The following NIPBL variants were observed in gnomAD, a reference collection of about 807,000 sequenced individuals.
NIPBL encodes nipped-B-like protein.
A neutral mutation model predicts 321.8 loss-of-function variants in NIPBL; 19 were observed. The ratio of observed to expected loss-of-function variants is 0.06; its 90% CI spans 0.04 to 0.09. The LOEUF is 0.09. NIPBL is among the 10% of genes least tolerant of loss of function. The probability of loss-of-function intolerance (pLI) is 1.00; values close to 1 mark genes in which losing one functional copy is unlikely to be tolerated. For synonymous variants in NIPBL, 1,106 were observed against 1,114.1 expected (o/e 0.99, Z 0.14); for missense variants, 2,210 against 3,327.0 (o/e 0.66, Z 8.26).
intron 1 of NIPBL, among the ~76,000 whole-genome samples, chr5:36,936,363 A>G (rs1738431179): frequency 6.6e-6 from 1 of 152,064 alleles, no homozygotes. Context: ...TACCTTTTCT[A>G]TGTTTAGATA....
intron 30 of NIPBL, among the ~76,000 whole-genome samples, chr5:37,025,413 A>T (rs1228157772): frequency 6.6e-6 from 1 of 152,252 alleles, no homozygotes; most frequent in Admixed American, 6.5e-5. Context: ...GAAATAAGCC[A>T]GACACAGAAA....
intron 1 of NIPBL, among the ~76,000 whole-genome samples, chr5:36,890,372 A>G (rs796120824): frequency 4.6e-5 from 7 of 152,332 alleles, no homozygotes; most frequent in African/African-American, 1.7e-4. Context: ...TATTTCCAAA[A>G]CTAATTTTAT....
At chr5:37,009,010 AAT>A (rs1450165127) in intron 20 of NIPBL, among the ~76,000 whole-genome samples, 26 of 152,176 alleles carry the variant, frequency 1.7e-4, no homozygotes, top group African/African-American at 6.3e-4. Flanking sequence ...TGTCTAGTGG[AAT>A]ACAGCATGCT....
intron 10 of NIPBL, among the ~76,000 whole-genome samples, chr5:36,994,020 CA>C (rs1745849378): frequency 6.6e-6 from 1 of 152,114 alleles, no homozygotes; most frequent in Non-Finnish European, 1.5e-5. Flanking sequence ...TAGAGATATT[CA>C]AAGACTTTAT....
intron 10 of NIPBL, among the ~76,000 whole-genome samples, chr5:36,989,671 C>T (rs905093036): frequency 6.6e-6 from 1 of 151,822 alleles, no homozygotes; most frequent in Non-Finnish European, 1.5e-5. Flanking sequence ...AACCCCACCT[C>T]TACTAAAAAT....
At chr5:36,891,845 C>T (rs1746358960) in intron 1 of NIPBL, among the ~76,000 whole-genome samples, 1 of 152,012 alleles carries the variant, frequency 6.6e-6, no homozygotes, top group Admixed American at 6.6e-5. Context: ...CGAAGGAAAC[C>T]CATAACAAAT....
At chr5:36,971,266 T>TA (rs1441018714) in intron 7 of NIPBL, among the ~76,000 whole-genome samples, 26 of 128,530 alleles carry the variant, frequency 2.0e-4, no homozygotes, top group Non-Finnish European at 3.1e-4. Context: ...AAAGAGTTAT[T>TA]TAAAAAAAAA....
chr5:36,936,865 A>G (rs1440722004), intron 1 of NIPBL, among the ~76,000 whole-genome samples: 4 of 152,038 alleles, frequency 2.6e-5, no homozygotes, highest in African/African-American at 9.7e-5. Flanking sequence ...AAGTAAAACA[A>G]CTAGCACAGT....
At chr5:36,900,071 C>T (rs1464906227) in intron 1 of NIPBL, among the ~76,000 whole-genome samples, 2 of 152,096 alleles carry the variant, frequency 1.3e-5, no homozygotes, top group African/African-American at 4.8e-5. Context: ...TTGTCATGAG[C>T]TCACTGTTTT....
chr5:37,037,393 AT>A (rs1751818163), intron 33 of NIPBL, among the ~76,000 whole-genome samples: 5 of 135,756 alleles, frequency 3.7e-5, no homozygotes, highest in Non-Finnish European at 8.1e-5. Flanking sequence ...GTCTCAAAAA[AT>A]ATATATATAT....
intron 22 of NIPBL, among the ~76,000 whole-genome samples, chr5:37,015,151 T>G (rs980349836): frequency 6.6e-5 from 10 of 151,978 alleles, no homozygotes; most frequent in African/African-American, 2.2e-4. Context: ...GAGACAGAGT[T>G]TCGCTCTTGT....
At chr5:37,041,812 A>G (rs539859855) in intron 34 of NIPBL, among the ~76,000 whole-genome samples, 3 of 147,582 alleles carry the variant, frequency 2.0e-5, no homozygotes, top group African/African-American at 7.5e-5. Context: ...TGATCTGCCT[A>G]CTGTGGCCTC....
At chr5:37,051,748 G>GAT (rs1192171791) in intron 40 of NIPBL, 31 bp from the exon 41 acceptor site, 1 of 1,462,230 alleles carries the variant, frequency 6.8e-7, no homozygotes, top group East Asian at 2.3e-5. Flanking sequence ...TTACTACCAT[G>GAT]ATATCTCGTA....
At chr5:37,004,205 A>G (rs188367794) in intron 16 of NIPBL, among the ~76,000 whole-genome samples, 319 of 152,342 alleles carry the variant, frequency 2.1e-3, no homozygotes, top group African/African-American at 7.0e-3. Context: ...TATCAAAAGC[A>G]GTAGCAACAT....
At chr5:36,935,765 A>G (rs958678552) in intron 1 of NIPBL, among the ~76,000 whole-genome samples, 3 of 152,064 alleles carry the variant, frequency 2.0e-5, no homozygotes, top group Non-Finnish European at 2.9e-5. Flanking sequence ...CAGCATGCCT[A>G]TTCACCTTCC....
At chr5:37,001,390 C>A (rs1746784315) in intron 14 of NIPBL, among the ~76,000 whole-genome samples, 1 of 151,948 alleles carries the variant, frequency 6.6e-6, no homozygotes, top group South Asian at 2.1e-4. Context: ...TAGTCTGTTA[C>A]CAAGAAATTA....
intron 21 of NIPBL, among the ~76,000 whole-genome samples, chr5:37,013,845 G>A (rs1453186646): frequency 1.3e-5 from 2 of 152,236 alleles, no homozygotes; most frequent in African/African-American, 4.8e-5. Context: ...ACTTTGAGAG[G>A]CCAAGGCAGG....
At chr5:36,958,868 G>GAAGA (rs1741279450) in intron 4 of NIPBL, among the ~76,000 whole-genome samples, 2 of 152,140 alleles carry the variant, frequency 1.3e-5, no homozygotes, top group Admixed American at 6.5e-5. Flanking sequence ...GAATAGCTTG[G>GAAGA]ACAACTTCAG....
chr5:37,012,942 G>A (rs1449401109), intron 21 of NIPBL, among the ~76,000 whole-genome samples: 2 of 151,972 alleles, frequency 1.3e-5, no homozygotes, highest in Non-Finnish European at 2.9e-5. Context: ...CCACAAAACC[G>A]CCATTGTCAT....
Sources: allele counts gnomAD v4.1 joint callset (sites outside exome capture counted in the v4.1 genomes callset), GRCh38; gene constraint gnomAD v4.1.1; transcripts MANE v1.5; gene names NCBI Gene and HGNC (gene_info 2026-07-23, HGNC 2026-07-21).